AGAP1: variants seen among roughly 807,000 people sequenced by gnomAD.
AGAP1 encodes ArfGAP with GTPase domain, ankyrin repeat and PH domain 1, also known as arf-GAP with GTPase, ANK repeat and PH domain-containing protein 1.
A neutral mutation model predicts 105.3 loss-of-function variants in AGAP1; 29 were observed. The observed-to-expected ratio is 0.28, with a 90% CI of 0.21 to 0.38. AGAP1 has a LOEUF of 0.38. AGAP1 is among the 10% of genes least tolerant of loss of function. The pLI is 1.00. For missense variants in AGAP1, 998 were observed against 1,165.1 expected (o/e 0.86, Z 2.09); for synonymous variants, 509 against 485.9 (o/e 1.05, Z -0.63).
chr2:236,068,797 C>CAA (rs35724496), intron 16 of AGAP1, among the ~76,000 whole-genome samples: 100 of 57,190 alleles, frequency 1.7e-3, no homozygotes, highest in South Asian at 3.2e-3. Context: ...GACTCCGTCT[C>CAA]AAAAAAAAAA....
At chr2:235,702,669 G>A (rs1237673911) in intron 1 of AGAP1, among the ~76,000 whole-genome samples, 5 of 152,142 alleles carry the variant, frequency 3.3e-5, no homozygotes, top group Non-Finnish European at 7.3e-5. Flanking sequence ...TTTATGTGCT[G>A]TAGGTTGAAC....
rs1400399724 is a variant in AGAP1 at position 235,559,320 on chromosome 2, T to G, written c.163+64471T>G. Among the ~76,000 whole-genome samples, 1 of 152,144 alleles carries G rather than the reference T, an allele frequency of 6.6e-6. No homozygotes were observed. Among genetic ancestry groups the G allele is most frequent in the Non-Finnish European group, 1.5e-5 (1 of 68,026 alleles). On this transcript the variant is annotated intron_variant, in intron 1 of 17. Coordinates refer to ENST00000304032, the MANE Select transcript of AGAP1 (RefSeq NM_001037131.3). The surrounding 1 kb of genome is among the most constrained non-coding windows in gnomAD (Gnocchi z 5.7). The stretch of plus-strand genomic sequence containing the variant: ...GTCCCAAGACTGTTTGGAAGGTTGT[T>G]CTGACAAGCAAGTGCTGATGTTTTG...
intron 1 of AGAP1, among the ~76,000 whole-genome samples, chr2:235,539,233 T>G (rs1039890068): frequency 6.6e-6 from 1 of 152,242 alleles, no homozygotes; most frequent in African/African-American, 2.4e-5. Flanking sequence ...GCTAGGAAGG[T>G]TACCTTCTGC....
intron 6 of AGAP1, among the ~76,000 whole-genome samples, chr2:235,765,424 C>T (rs1273759448): frequency 1.3e-5 from 2 of 152,096 alleles, no homozygotes; most frequent in African/African-American, 4.8e-5. Context: ...CCAGTGGGAA[C>T]ATGTGCCTGC....
At chr2:235,669,744 G>T (rs1228741135) in intron 1 of AGAP1, 1 of 148,030 alleles carries the variant, frequency 6.8e-6, no homozygotes, top group African/African-American at 2.4e-5. Flanking sequence ...CGGAGCGGGA[G>T]GATGCGCACG....
chr2:236,023,263 GGAGA>G (rs1263671102), intron 13 of AGAP1, among the ~76,000 whole-genome samples: 1 of 152,168 alleles, frequency 6.6e-6, no homozygotes, highest in Non-Finnish European at 1.5e-5. Context: ...TAAAAGAAAA[GGAGA>G]GAGAGCTTCC....
At chr2:235,771,552 G>A (rs542495933) in intron 6 of AGAP1, among the ~76,000 whole-genome samples, 5 of 152,318 alleles carry the variant, frequency 3.3e-5, no homozygotes, top group East Asian at 3.9e-4. Flanking sequence ...GTGTGTTCAC[G>A]TGACTTGAGA....
intron 1 of AGAP1, among the ~76,000 whole-genome samples, chr2:235,648,263 C>A (rs1009953205): frequency 1.6e-4 from 24 of 152,250 alleles, no homozygotes; most frequent in African/African-American, 5.8e-4. Context: ...GGGTTTCTTT[C>A]CTTTTTCTTT....
At chr2:235,703,076 C>T (rs13413814) in intron 1 of AGAP1, among the ~76,000 whole-genome samples, 8,808 of 151,788 alleles carry the variant, frequency 0.058, 866 homozygotes, top group African/African-American at 0.2. Context: ...TACAGGCGCA[C>T]ACCACCTCAC....
At position 235,608,682 on chromosome 2, in the gene AGAP1, C is replaced by T. The variant is rs189735132; in HGVS notation, c.164-100497C>T. The stretch of plus-strand genomic sequence containing the variant: ...AGGAACGAGGTCTCTGGATTCCGGA[C>T]GCCCTGCTGCTACTTGGCCTCCAAC... On this transcript the variant is annotated intron_variant, in intron 1 of 17. Coordinates refer to ENST00000304032, the MANE Select transcript of AGAP1 (RefSeq NM_001037131.3). This position sits in a 1 kb window ranked among gnomAD's most constrained non-coding sequence, Gnocchi z 5.4. Among the ~76,000 whole-genome samples the T allele has an allele frequency of 1.1e-4, 16 of 152,316 alleles. No individual in the cohort carries two copies. The East Asian group carries it at 2.3e-3, about 22-fold the overall frequency.
At chr2:235,912,016 C>T (rs79362386) in intron 11 of AGAP1, among the ~76,000 whole-genome samples, 10 of 152,306 alleles carry the variant, frequency 6.6e-5, no homozygotes, top group East Asian at 5.8e-4. Context: ...AGCTGGTGTG[C>T]GGCAGGAGGG....
intron 16 of AGAP1, among the ~76,000 whole-genome samples, chr2:236,106,466 G>A (rs894192458): frequency 3.3e-5 from 5 of 152,228 alleles, no homozygotes; most frequent in African/African-American, 4.8e-5. Flanking sequence ...TGCGTGACTC[G>A]GCTAGCCCCT....
intron 1 of AGAP1, among the ~76,000 whole-genome samples, chr2:235,562,881 A>G (rs939968673): frequency 2.6e-5 from 4 of 151,836 alleles, no homozygotes; most frequent in Non-Finnish European, 4.4e-5. Flanking sequence ...ACATGGGGAG[A>G]TCCCCATCTC....
chr2:236,102,227 C>T (rs546981202), intron 16 of AGAP1, among the ~76,000 whole-genome samples: 26 of 152,194 alleles, frequency 1.7e-4, no homozygotes, highest in Non-Finnish European at 2.8e-4. Context: ...ACCATCCTGG[C>T]TAACACGGTG....
intron 1 of AGAP1, among the ~76,000 whole-genome samples, chr2:235,523,813 G>A (rs1161887773): frequency 6.6e-6 from 1 of 151,920 alleles, no homozygotes; most frequent in African/African-American, 2.4e-5. Context: ...CCTTCCAGTG[G>A]GAGTGACCCT....
chr2:236,014,658 C>T lies in AGAP1; in HGVS notation c.1646-21903C>T, dbSNP rs2056631141. 1.2e-5 allele frequency: 4 copies of T among 342,810 alleles called. No individual in the cohort carries two copies. Among genetic ancestry groups the T allele is most frequent in the Middle Eastern group, 1.7e-3 (2 of 1,164 alleles). The allele number at this position is 342,810 out of a possible 1,614,324, so 21.2% of individuals were successfully genotyped here. A position where few individuals can be genotyped will look rare whatever the true frequency, so the allele number is the denominator to read the frequency against. ...TTGGAGGGCTCAGCCCAGGGAGCTC[C>T]ATGGCACCCACCCGCTTCGCGCAGA... On this transcript the variant is annotated intron_variant, in intron 13 of 17. Transcript: ENST00000304032. This position sits in a 1 kb window ranked among gnomAD's most constrained non-coding sequence, Gnocchi z 6.3.
intron 11 of AGAP1, among the ~76,000 whole-genome samples, chr2:235,920,298 C>T (rs959395871): frequency 6.6e-6 from 1 of 152,034 alleles, no homozygotes; most frequent in Non-Finnish European, 1.5e-5. Context: ...TTAAATTGTA[C>T]CAATTGCCAC....
Position 235,958,423 on chromosome 2 carries a change from CG to C in AGAP1, c.1484-10037del, listed in dbSNP as rs1361216478. ...CACCTACGCCCAGCACCTCCCCCAG[CG>C]GACACATTTAGAGACCCTCGGGAGC... On this transcript the variant is annotated intron_variant, in intron 12 of 17. Transcript: ENST00000304032. The surrounding 1 kb of genome is among the most constrained non-coding windows in gnomAD (Gnocchi z 4.1). Among the ~76,000 whole-genome samples the C allele has an allele frequency of 6.6e-6, 1 of 152,072 alleles. No homozygotes were observed. Among genetic ancestry groups the C allele is most frequent in the Non-Finnish European group, 1.5e-5 (1 of 68,018 alleles).
intron 16 of AGAP1, among the ~76,000 whole-genome samples, chr2:236,110,771 T>C (rs561662163): frequency 6.6e-6 from 1 of 152,202 alleles, no homozygotes; most frequent in Non-Finnish European, 1.5e-5. Context: ...GGAGAAATTA[T>C]GCAGAAAGGC....
Sources: allele counts gnomAD v4.1 joint callset (sites outside exome capture counted in the v4.1 genomes callset), GRCh38; gene constraint gnomAD v4.1.1; non-coding constraint Gnocchi (gnomAD v3.1); transcripts MANE v1.5; gene names NCBI Gene and HGNC (gene_info 2026-07-23, HGNC 2026-07-21).